GRID2: variants seen among roughly 807,000 people sequenced by gnomAD.
GRID2 encodes glutamate receptor ionotropic, delta-2.
GRID2 carries 33 observed loss-of-function variants against 114.8 expected under a neutral mutation model. The observed-to-expected ratio is 0.29, with a 90% CI of 0.22 to 0.38. The LOEUF is 0.38. GRID2 is among the 10% of genes least tolerant of loss of function. The probability of loss-of-function intolerance (pLI) is 1.00; values close to 1 mark genes in which losing one functional copy is unlikely to be tolerated. For missense variants in GRID2, 1,184 were observed against 1,257.7 expected (o/e 0.94, Z 0.89); for synonymous variants, 505 against 449.9 (o/e 1.12, Z -1.55).
At chr4:92,604,998 G>C (rs1395048860) in intron 2 of GRID2, among the ~76,000 whole-genome samples, 1 of 152,056 alleles carries the variant, frequency 6.6e-6, no homozygotes, top group Non-Finnish European at 1.5e-5. Flanking sequence ...GGTTTTATAA[G>C]GGGGTCTTTC....
At chr4:93,546,625 A>G (rs571239871) in intron 13 of GRID2, among the ~76,000 whole-genome samples, 7 of 152,300 alleles carry the variant, frequency 4.6e-5, no homozygotes, top group Non-Finnish European at 8.8e-5. Flanking sequence ...CAATTTTTCT[A>G]TCTGTAAAAT....
intron 12 of GRID2, among the ~76,000 whole-genome samples, chr4:93,501,580 G>A (rs909216194): frequency 6.7e-6 from 1 of 149,418 alleles, no homozygotes; most frequent in South Asian, 2.2e-4. Context: ...CTATCTCGAT[G>A]TCATAGACAG....
chr4:93,487,953 A>C (rs1726579669), intron 11 of GRID2, among the ~76,000 whole-genome samples: 1 of 151,936 alleles, frequency 6.6e-6, no homozygotes, highest in South Asian at 2.1e-4. Context: ...ATCAAATAAC[A>C]TTTTATTTGC....
intron 13 of GRID2, among the ~76,000 whole-genome samples, chr4:93,598,318 C>A (rs956835451): frequency 2.0e-5 from 3 of 152,138 alleles, no homozygotes; most frequent in Admixed American, 2.0e-4. Flanking sequence ...TATCCCTCCC[C>A]CCATAGTCCA....
At chr4:93,595,846 T>C (rs553655940) in intron 13 of GRID2, among the ~76,000 whole-genome samples, 19 of 152,352 alleles carry the variant, frequency 1.2e-4, no homozygotes, top group African/African-American at 4.6e-4. Context: ...GCTCTTCAGG[T>C]ACCACATTAA....
intron 7 of GRID2, among the ~76,000 whole-genome samples, chr4:93,226,339 T>G (rs2149494145): frequency 6.6e-6 from 1 of 152,308 alleles, no homozygotes; most frequent in East Asian, 1.9e-4. Flanking sequence ...GATTATCTAC[T>G]TCCAAAATGC....
intron 14 of GRID2, among the ~76,000 whole-genome samples, chr4:93,747,918 G>A (rs1214692366): frequency 6.6e-6 from 1 of 151,952 alleles, no homozygotes; most frequent in Non-Finnish European, 1.5e-5. Flanking sequence ...TCGTCACCAT[G>A]AGATAAGTAC....
intron 2 of GRID2, among the ~76,000 whole-genome samples, chr4:93,039,669 G>A (rs1725301319): frequency 6.6e-6 from 1 of 152,040 alleles, no homozygotes; most frequent in Non-Finnish European, 1.5e-5. Flanking sequence ...TGGATGGGAA[G>A]CTATCTTATG....
At chr4:92,370,851 T>C (rs572181308) in intron 1 of GRID2, among the ~76,000 whole-genome samples, 41 of 152,222 alleles carry the variant, frequency 2.7e-4, no homozygotes, top group African/African-American at 9.4e-4. Context: ...GTGGGCCTGG[T>C]AGTGAGTTAG....
chr4:92,444,024 A>G (rs1385347088), intron 1 of GRID2, among the ~76,000 whole-genome samples: 1 of 152,166 alleles, frequency 6.6e-6, no homozygotes, highest in Non-Finnish European at 1.5e-5. Context: ...AGTGAGAGAG[A>G]TTGGAGAAGA....
chr4:93,181,368 G>GTGCA, intron 4 of GRID2, among the ~76,000 whole-genome samples: 1 of 152,148 alleles, frequency 6.6e-6, no homozygotes, highest in East Asian at 1.9e-4. Context: ...CACTTACAGA[G>GTGCA]TGCAGGTAGA....
At chr4:93,070,369 T>A (rs1728705593) in intron 2 of GRID2, among the ~76,000 whole-genome samples, 1 of 152,112 alleles carries the variant, frequency 6.6e-6, no homozygotes, top group South Asian at 2.1e-4. Context: ...CTTCTGCTAC[T>A]AAGTTGAAAG....
At chr4:93,283,570 A>G (rs1444198339) in intron 8 of GRID2, among the ~76,000 whole-genome samples, 1 of 152,088 alleles carries the variant, frequency 6.6e-6, no homozygotes, top group East Asian at 1.9e-4. Flanking sequence ...AATTTTAAGA[A>G]CTATCAGCTT....
intron 14 of GRID2, among the ~76,000 whole-genome samples, chr4:93,707,178 T>A (rs775493813): frequency 6.6e-6 from 1 of 152,110 alleles, no homozygotes; most frequent in African/African-American, 2.4e-5. Flanking sequence ...TTTTGTTGTG[T>A]CTTTGTCTAG....
intron 7 of GRID2, among the ~76,000 whole-genome samples, chr4:93,238,170 G>T (rs1223189764): frequency 6.6e-6 from 1 of 151,606 alleles, no homozygotes; most frequent in Non-Finnish European, 1.5e-5. Flanking sequence ...GGATGAGATT[G>T]GATTAAGGAA....
rs544908087 is a variant in GRID2 at position 92,938,964 on chromosome 4, T to C, written c.245-146031T>C. Reference sequence around the variant, plus strand: ...CACATTGTCTTAATCCAGTCTATCATTGTTGGACATTTGGGTGGGTTCCAA... The same window carrying C: ...CACATTGTCTTAATCCAGTCTATCACTGTTGGACATTTGGGTGGGTTCCAA... On this transcript the variant is annotated intron_variant, in intron 2 of 15. Coordinates refer to ENST00000282020, the MANE Select transcript of GRID2 (RefSeq NM_001510.4). Among the ~76,000 whole-genome samples, 4 of 147,310 alleles carry C rather than the reference T, an allele frequency of 2.7e-5. 1 individual carries two copies. The East Asian group carries it at 8.5e-4, about 31-fold the overall frequency.
intron 2 of GRID2, among the ~76,000 whole-genome samples, chr4:93,045,295 C>G (rs1726025030): frequency 6.6e-6 from 1 of 152,082 alleles, no homozygotes; most frequent in Admixed American, 6.6e-5. Context: ...CTTCATCTCT[C>G]TTTTTGCTCC....
chr4:92,936,227 A>G (rs1268130327), intron 2 of GRID2, among the ~76,000 whole-genome samples: 1 of 146,270 alleles, frequency 6.8e-6, no homozygotes, highest in Non-Finnish European at 1.5e-5. Context: ...TTTGACACCA[A>G]TTTGATCTGT....
intron 2 of GRID2, among the ~76,000 whole-genome samples, chr4:92,849,180 G>A (rs1233796777): frequency 6.6e-6 from 1 of 151,872 alleles, no homozygotes; most frequent in Non-Finnish European, 1.5e-5. Context: ...ATGAAAAAGA[G>A]GTGTTTCTGA....
Sources: gnomAD v4.1 joint callset for allele counts (sites outside exome capture counted in the v4.1 genomes callset) on GRCh38, gnomAD v4.1.1 for gene constraint, MANE v1.5 for transcripts, NCBI Gene and HGNC (gene_info 2026-07-23, HGNC 2026-07-21) for gene names.